The following PCCA variants were observed in gnomAD, a reference collection of about 807,000 sequenced individuals.
PCCA encodes propionyl-CoA carboxylase subunit alpha.
PCCA carries 74 observed loss-of-function variants against 101.3 expected under a neutral mutation model. The observed-to-expected ratio is 0.73, with a 90% CI of 0.61 to 0.89. The LOEUF is 0.89. Ranked by LOEUF, PCCA falls within the 40% of genes least tolerant of loss-of-function variation. PCCA has a pLI of 0.00. For missense variants in PCCA, 891 were observed against 907.0 expected (o/e 0.98, Z 0.23); for synonymous variants, 294 against 313.6 (o/e 0.94, Z 0.66).
intron 4 of PCCA, among the ~76,000 whole-genome samples, chr13:100,146,115 A>AG (rs947279105): frequency 2.0e-5 from 3 of 150,092 alleles, no homozygotes; most frequent in Non-Finnish European, 4.4e-5. Flanking sequence ...AATTTTTTGT[A>AG]TTTTTAGCAG....
intron 21 of PCCA, among the ~76,000 whole-genome samples, chr13:100,489,091 G>C (rs1417720818): frequency 1.3e-5 from 2 of 152,088 alleles, no homozygotes; most frequent in East Asian, 3.9e-4. Flanking sequence ...GGATCACCAG[G>C]TCAGGAGATC....
chr13:100,400,663 T>C (rs1180086545), intron 19 of PCCA, among the ~76,000 whole-genome samples: 1 of 138,842 alleles, frequency 7.2e-6, no homozygotes, highest in Admixed American at 7.4e-5. Flanking sequence ...TTTTGCTCTT[T>C]TGCCCAGTCT....
chr13:100,441,989 C>CTTTT (rs776208311), intron 20 of PCCA, among the ~76,000 whole-genome samples: 14 of 128,522 alleles, frequency 1.1e-4, no homozygotes, highest in South Asian at 8.9e-4. Flanking sequence ...TTCCTTTTTT[C>CTTTT]TTTTTTTTTT....
intron 21 of PCCA, among the ~76,000 whole-genome samples, chr13:100,460,343 G>A (rs2082086467): frequency 6.6e-6 from 1 of 152,160 alleles, no homozygotes; most frequent in Non-Finnish European, 1.5e-5. Flanking sequence ...ATTATAATTA[G>A]GTTTTAAAGT....
At chr13:100,509,807 G>A (rs1055271980) in intron 21 of PCCA, among the ~76,000 whole-genome samples, 1 of 118,654 alleles carries the variant, frequency 8.4e-6, no homozygotes, top group Non-Finnish European at 2.0e-5. Flanking sequence ...TGGTGGTGTG[G>A]GTTTTTTGTT....
At chr13:100,164,770 GT>G in intron 6 of PCCA, among the ~76,000 whole-genome samples, 1 of 152,136 alleles carries the variant, frequency 6.6e-6, no homozygotes, top group African/African-American at 2.4e-5. Context: ...TATTCACAAT[GT>G]TTTGCAATCA....
At chr13:100,478,549 G>A (rs1341780612) in intron 21 of PCCA, among the ~76,000 whole-genome samples, 1 of 152,184 alleles carries the variant, frequency 6.6e-6, no homozygotes, top group Non-Finnish European at 1.5e-5. Flanking sequence ...CTCTGACTTA[G>A]TTCTCATAGG....
At chr13:100,255,789 T>A (rs1220533198) in intron 8 of PCCA, among the ~76,000 whole-genome samples, 2 of 152,208 alleles carry the variant, frequency 1.3e-5, no homozygotes, top group African/African-American at 4.8e-5. Context: ...TCGTGCATAA[T>A]CTCTTGCAGA....
At chr13:100,212,019 C>T (rs1008698323) in intron 7 of PCCA, among the ~76,000 whole-genome samples, 3 of 152,162 alleles carry the variant, frequency 2.0e-5, no homozygotes, top group Non-Finnish European at 4.4e-5. Context: ...GGATTACAGG[C>T]ATGAGCCACT....
At chr13:100,412,423 A>G (rs903381813) in intron 19 of PCCA, among the ~76,000 whole-genome samples, 16 of 152,226 alleles carry the variant, frequency 1.1e-4, no homozygotes, top group Non-Finnish European at 1.8e-4. Context: ...ACTTTTATGT[A>G]TATCTGAAAT....
rs752670520 is a variant in PCCA at position 100,244,161 on chromosome 13, C to T, written c.637+8283C>T. 3.3e-5 allele frequency among the ~76,000 whole-genome samples: 5 copies of T among 152,176 alleles called. No individual in the cohort carries two copies. The East Asian group carries it at 5.8e-4, about 18-fold the overall frequency. On this transcript the variant is annotated intron_variant, in intron 8 of 23. Transcript: ENST00000376285. Reference sequence around the variant, plus strand: ...TTTAATATTTAAGGAGATTGAATAACGCCTAAGGAAAAGTTATGTTAAAGA... The same window carrying T: ...TTTAATATTTAAGGAGATTGAATAATGCCTAAGGAAAAGTTATGTTAAAGA...
At chr13:100,124,467 AGTC>A (rs1484992939) in intron 4 of PCCA, among the ~76,000 whole-genome samples, 1 of 152,208 alleles carries the variant, frequency 6.6e-6, no homozygotes, top group African/African-American at 2.4e-5. Context: ...TGCGCACTGT[AGTC>A]TCAGCCTCAG....
At chr13:100,115,685 C>G (rs9300587) in intron 4 of PCCA, among the ~76,000 whole-genome samples, 6,351 of 152,196 alleles carry the variant, frequency 0.042, 438 homozygotes, top group African/African-American at 0.14. Flanking sequence ...GAATTCTGAT[C>G]TACAGGTAGA....
chr13:100,373,883 G>T (rs1415148125), intron 19 of PCCA, among the ~76,000 whole-genome samples: 6 of 152,094 alleles, frequency 3.9e-5, no homozygotes, highest in Non-Finnish European at 8.8e-5. Flanking sequence ...ATGCTGAGGT[G>T]GGTGGATCAC....
intron 8 of PCCA, among the ~76,000 whole-genome samples, chr13:100,251,675 A>G (rs1475755005): frequency 6.6e-6 from 1 of 152,234 alleles, no homozygotes; most frequent in Non-Finnish European, 1.5e-5. Context: ...ATTATTTGCT[A>G]AGAAAAAATG....
chr13:100,143,756 G>C (rs1174720692), intron 4 of PCCA, among the ~76,000 whole-genome samples: 1 of 151,442 alleles, frequency 6.6e-6, no homozygotes, highest in Non-Finnish European at 1.5e-5. Context: ...TTTTGTTGTT[G>C]TTGTTTGTTT....
At position 100,154,973 on chromosome 13, in the gene PCCA, C is replaced by T. The variant is rs772501358; in HGVS notation, c.301-6C>T. ...CATCTGTTAATGCAGAAATTTGTCT[C>T]CTCAGGTTCATGTGAAAATGGCGGA... On this transcript the variant is annotated splice_region_variant and splice_polypyrimidine_tract_variant and intron_variant, in intron 4 of 23. Transcript: ENST00000376285. 1 of 1,606,250 alleles carries T rather than the reference C, an allele frequency of 6.2e-7. No individual in the cohort carries two copies. Among genetic ancestry groups the T allele is most frequent in the Non-Finnish European group, 8.5e-7 (1 of 1,172,876 alleles).
intron 6 of PCCA, among the ~76,000 whole-genome samples, chr13:100,201,725 T>G (rs2058506007): frequency 1.3e-5 from 2 of 151,552 alleles, no homozygotes; most frequent in South Asian, 4.2e-4. Flanking sequence ...GGCGTGGTGG[T>G]GCATGCCTGT....
At chr13:100,270,728 G>T (rs2063255442) in intron 11 of PCCA, among the ~76,000 whole-genome samples, 1 of 152,106 alleles carries the variant, frequency 6.6e-6, no homozygotes, top group South Asian at 2.1e-4. Context: ...GTAAGAATCG[G>T]CTGGGCATGG....
Sources: allele counts gnomAD v4.1 joint callset (sites outside exome capture counted in the v4.1 genomes callset), GRCh38; gene constraint gnomAD v4.1.1; transcripts MANE v1.5; gene names NCBI Gene and HGNC (gene_info 2026-07-23, HGNC 2026-07-21).